Variants in PTPRR observed in about 807,000 individuals in gnomAD.
PTPRR encodes the protein protein tyrosine phosphatase receptor type R, also known as receptor-type tyrosine-protein phosphatase R.
PTPRR carries 38 observed loss-of-function variants against 77.2 expected under a neutral mutation model. The ratio of observed to expected loss-of-function variants is 0.49; its 90% CI spans 0.38 to 0.65. PTPRR has a LOEUF of 0.65. PTPRR is among the 30% of genes least tolerant of loss of function. The pLI is 0.00. For synonymous variants in PTPRR, 299 were observed against 283.1 expected (o/e 1.06, Z -0.57); for missense variants, 744 against 799.2 (o/e 0.93, Z 0.83).
intron 2 of PTPRR, among the ~76,000 whole-genome samples, chr12:70,772,645 G>C (rs1891004221): frequency 6.6e-6 from 1 of 152,078 alleles, no homozygotes; most frequent in African/African-American, 2.4e-5. Context: ...TGCTTGCATG[G>C]AGGTAGGGGC....
chr12:70,748,242 C>A (rs1416477317), intron 5 of PTPRR, among the ~76,000 whole-genome samples: 1 of 152,112 alleles, frequency 6.6e-6, no homozygotes, highest in Non-Finnish European at 1.5e-5. Flanking sequence ...GGAAAGAAAA[C>A]CTAGAATCCA....
intron 8 of PTPRR, among the ~76,000 whole-genome samples, chr12:70,696,521 C>T (rs1888239218): frequency 6.6e-6 from 1 of 152,144 alleles, no homozygotes; most frequent in Admixed American, 6.6e-5. Context: ...AGCAGATCTA[C>T]TTAAACAAAA....
intron 4 of PTPRR, among the ~76,000 whole-genome samples, chr12:70,759,299 T>G (rs942931974): frequency 2.6e-5 from 4 of 152,006 alleles, no homozygotes; most frequent in Middle Eastern, 3.2e-3. Flanking sequence ...ATGAAGGCAA[T>G]GAAGACACAG....
chr12:70,876,474 G>A (rs903281598), intron 2 of PTPRR, among the ~76,000 whole-genome samples: 3 of 152,046 alleles, frequency 2.0e-5, no homozygotes, highest in Non-Finnish European at 2.9e-5. Flanking sequence ...CTATTTAGAA[G>A]AAATAATTTG....
At chr12:70,808,033 C>T (rs1013111632) in intron 2 of PTPRR, among the ~76,000 whole-genome samples, 2 of 152,090 alleles carry the variant, frequency 1.3e-5, no homozygotes, top group Non-Finnish European at 2.9e-5. Context: ...ATTCTTTCCC[C>T]AGTAAGGAAT....
At chr12:70,664,200 C>CT (rs1886896771) in intron 10 of PTPRR, 1 of 152,174 alleles carries the variant, frequency 6.6e-6, no homozygotes. Context: ...GACCAAAAGA[C>CT]TTACTCTGGC....
intron 1 of PTPRR, among the ~76,000 whole-genome samples, chr12:70,899,054 T>G (rs1337370372): frequency 6.6e-6 from 1 of 151,464 alleles, no homozygotes; most frequent in Non-Finnish European, 1.5e-5. Context: ...TGTGCTAAAA[T>G]TATAAAAGAA....
intron 2 of PTPRR, among the ~76,000 whole-genome samples, chr12:70,876,967 T>C (rs1289827040): frequency 1.3e-5 from 2 of 152,126 alleles, no homozygotes; most frequent in Non-Finnish European, 2.9e-5. Context: ...AGCAGTTGGG[T>C]GTCTCACAAG....
At chr12:70,729,350 ATC>A (rs1889573589) in intron 6 of PTPRR, among the ~76,000 whole-genome samples, 3 of 122,952 alleles carry the variant, frequency 2.4e-5, no homozygotes, top group Admixed American at 8.4e-5. Context: ...CTATCTATCT[ATC>A]TATCTATCTA....
intron 6 of PTPRR, among the ~76,000 whole-genome samples, chr12:70,741,356 C>T (rs971492719): frequency 1.7e-4 from 26 of 152,240 alleles, no homozygotes; most frequent in African/African-American, 5.8e-4. Context: ...ACTAAAGCAG[C>T]GGGGAGCCTC....
At chr12:70,672,922 A>G (rs747201024) in intron 10 of PTPRR, 27 of 1,494,982 alleles carry the variant, frequency 1.8e-5, no homozygotes, top group Non-Finnish European at 2.4e-5. Context: ...AGCTTAGCCC[A>G]GGGAAATGTC....
intron 6 of PTPRR, among the ~76,000 whole-genome samples, chr12:70,740,772 G>T (rs955897829): frequency 6.6e-6 from 1 of 152,040 alleles, no homozygotes; most frequent in African/African-American, 2.4e-5. Flanking sequence ...CAGTCTTTAT[G>T]GTCTCCTGGT....
intron 5 of PTPRR, among the ~76,000 whole-genome samples, chr12:70,748,720 A>G (rs1276091675): frequency 6.6e-6 from 1 of 152,204 alleles, no homozygotes; most frequent in Non-Finnish European, 1.5e-5. Flanking sequence ...TCTCATGAGT[A>G]ACACAAAACA....
At chr12:70,916,504 G>A (rs527797927) in intron 1 of PTPRR, among the ~76,000 whole-genome samples, 22 of 149,440 alleles carry the variant, frequency 1.5e-4, no homozygotes, top group Non-Finnish European at 2.8e-4. Flanking sequence ...TTAGTCTATC[G>A]TTTCTTTTGA....
At chr12:70,732,092 A>G (rs1350541318) in intron 6 of PTPRR, among the ~76,000 whole-genome samples, 2 of 152,260 alleles carry the variant, frequency 1.3e-5, no homozygotes, top group Non-Finnish European at 2.9e-5. Context: ...GAGACTGACA[A>G]GATGAAGGAT....
chr12:70,812,806 T>C (rs752602256), intron 2 of PTPRR, among the ~76,000 whole-genome samples: 9 of 152,188 alleles, frequency 5.9e-5, no homozygotes, highest in Admixed American at 3.3e-4. Context: ...TTCTTGCAGA[T>C]AGGTTTCCAT....
chr12:70,732,911 G>C (rs1889712963), intron 6 of PTPRR, among the ~76,000 whole-genome samples: 1 of 151,990 alleles, frequency 6.6e-6, no homozygotes, highest in Non-Finnish European at 1.5e-5. Flanking sequence ...AAATTAACTT[G>C]ATGTCCAAGA....
Position 70,745,952 on chromosome 12 carries a change from T to C in PTPRR, c.873A>G (p.Gln291=). 2 of 1,614,120 alleles carry C rather than the reference T, an allele frequency of 1.2e-6. No individual in the cohort carries two copies. The highest frequency in any genetic ancestry group is 1.7e-6 in the Non-Finnish European group (2 of 1,180,024). ...TCAGTACCTTTGGGGCCTGCTCAGGTTGGACCATGCTGTGGACTGTCTTTG... is the reference window on the plus strand; with the variant it reads ...TCAGTACCTTTGGGGCCTGCTCAGGCTGGACCATGCTGTGGACTGTCTTTG... ...SEAKTVHSMV[Q]PEQAPKVLNV... is the part of the protein sequence containing the mutation. Residue 291 remains glutamine, a synonymous_variant, in exon 6 of 14, where the codon CAA becomes CAG. Coordinates refer to ENST00000283228, the MANE Select transcript of PTPRR (RefSeq NM_002849.4).
At chr12:70,645,429 A>T (rs889736524) in intron 13 of PTPRR, among the ~76,000 whole-genome samples, 4 of 152,206 alleles carry the variant, frequency 2.6e-5, no homozygotes, top group African/African-American at 9.7e-5. Flanking sequence ...AGTTAATACG[A>T]CACCTAGGGT....
Sources: allele counts gnomAD v4.1 joint callset (sites outside exome capture counted in the v4.1 genomes callset), GRCh38; gene constraint gnomAD v4.1.1; transcripts MANE v1.5; gene names NCBI Gene and HGNC (gene_info 2026-07-23, HGNC 2026-07-21).